ADGRL3: variants seen among roughly 807,000 people sequenced by gnomAD.
ADGRL3 encodes calcium-independent alpha-latrotoxin receptor 3.
Under a neutral mutation model 153.5 loss-of-function variants are expected in ADGRL3, and 62 were observed. The ratio of observed to expected loss-of-function variants is 0.40; its 90% CI spans 0.33 to 0.50. The LOEUF (loss-of-function observed/expected upper bound fraction) is 0.50, where lower values mean the gene tolerates loss of function less well. Ranked by LOEUF, ADGRL3 falls within the 20% of genes least tolerant of loss-of-function variation. The pLI is 0.47. For synonymous variants in ADGRL3, 710 were observed against 672.5 expected, an observed-to-expected ratio of 1.06 and a Z score of -0.86; for missense variants, 1,641 against 1,859.4, an observed-to-expected ratio of 0.88 and a Z score of 2.16.
At chr4:61,370,764 A>T (rs1036799764) in intron 1 of ADGRL3, among the ~76,000 whole-genome samples, 11 of 152,094 alleles carry the variant, frequency 7.2e-5, no homozygotes, top group African/African-American at 2.2e-4. Context: ...TGCAGAGCTG[A>T]GTTCAATTCC....
chr4:61,494,091 T>C (rs1246136909), intron 2 of ADGRL3, among the ~76,000 whole-genome samples: 2 of 152,050 alleles, frequency 1.3e-5, no homozygotes, highest in Non-Finnish European at 2.9e-5. Flanking sequence ...TGTTTTTTTT[T>C]TTTTTTCACT....
intron 4 of ADGRL3, among the ~76,000 whole-genome samples, chr4:61,540,375 T>C (rs1483506332): frequency 6.6e-6 from 1 of 151,736 alleles, no homozygotes; most frequent in Non-Finnish European, 1.5e-5. Flanking sequence ...TAGGAGAAAC[T>C]CCGTCTCTAC....
intron 6 of ADGRL3, among the ~76,000 whole-genome samples, chr4:61,712,494 G>T (rs2151492896): frequency 6.6e-6 from 1 of 152,182 alleles, no homozygotes; most frequent in South Asian, 2.1e-4. Flanking sequence ...AGACCATTCA[G>T]TTCATTTAGC....
At chr4:61,954,815 G>T (rs752497455) in intron 17 of ADGRL3, among the ~76,000 whole-genome samples, 1 of 152,056 alleles carries the variant, frequency 6.6e-6, no homozygotes, top group Non-Finnish European at 1.5e-5. Flanking sequence ...GGCTTTCCTT[G>T]TTACCCTATT....
intron 8 of ADGRL3, among the ~76,000 whole-genome samples, chr4:61,748,171 A>C (rs2096697635): frequency 6.6e-6 from 1 of 152,072 alleles, no homozygotes; most frequent in African/African-American, 2.4e-5. Flanking sequence ...GGACCTCTTC[A>C]AGGAGAACTA....
intron 11 of ADGRL3, among the ~76,000 whole-genome samples, chr4:61,908,104 T>G (rs1218780682): frequency 2.6e-5 from 4 of 151,560 alleles, no homozygotes; most frequent in African/African-American, 9.7e-5. Context: ...AGGAGCCCCA[T>G]CTCTACAAAA....
At chr4:62,021,030 A>G (rs2099235601) in intron 21 of ADGRL3, among the ~76,000 whole-genome samples, 1 of 152,100 alleles carries the variant, frequency 6.6e-6, no homozygotes, top group Non-Finnish European at 1.5e-5. Context: ...ACTCAGAGAC[A>G]GTGTCTCCTT....
intron 8 of ADGRL3, among the ~76,000 whole-genome samples, chr4:61,779,176 A>T (rs1250304699): frequency 2.6e-5 from 4 of 152,114 alleles, no homozygotes; most frequent in African/African-American, 9.7e-5. Flanking sequence ...TTATTTGGTA[A>T]ATTAGAAGTG....
intron 13 of ADGRL3, among the ~76,000 whole-genome samples, chr4:61,921,835 T>C (rs1160865923): frequency 1.3e-5 from 2 of 152,150 alleles, no homozygotes; most frequent in South Asian, 2.1e-4. Context: ...AGAAAAGACT[T>C]TGGGGATAAC....
rs1341664717 is a variant in ADGRL3 at position 62,070,722 on chromosome 4, T to G, written c.4446T>G (p.Gly1482=). 28 of 1,551,340 alleles carry G rather than the reference T, an allele frequency of 1.8e-5. No individual in the cohort carries two copies. The highest frequency in any genetic ancestry group is 2.3e-5 in the Non-Finnish European group (26 of 1,146,864). The change falls in exon 27 of 27, where the codon GGT becomes GGG. Residue 1482 remains glycine, a synonymous_variant. Coordinates refer to ENST00000683033, the MANE Select transcript of ADGRL3 (RefSeq NM_001387552.1). ...CCGAACCCCCACCGGCCAAATGTGG[T>G]GATGCCGAAGATGTTTACTACAAAA... The part of the protein sequence containing the change: ...TQTEPPPAKC[G]DAEDVYYKSM...
intron 5 of ADGRL3, among the ~76,000 whole-genome samples, chr4:61,671,375 C>T (rs532990608): frequency 1.1e-4 from 16 of 152,202 alleles, no homozygotes; most frequent in Admixed American, 6.5e-4. Context: ...TCTTCTATGA[C>T]GGTCATCATA....
intron 21 of ADGRL3, among the ~76,000 whole-genome samples, chr4:62,016,607 A>G (rs1255501232): frequency 6.6e-6 from 1 of 152,164 alleles, no homozygotes; most frequent in Non-Finnish European, 1.5e-5. Flanking sequence ...AACTTGCTTA[A>G]TATCTGGTAG....
intron 11 of ADGRL3, among the ~76,000 whole-genome samples, chr4:61,901,230 T>G (rs1360704209): frequency 6.6e-6 from 1 of 152,212 alleles, no homozygotes; most frequent in African/African-American, 2.4e-5. Context: ...CCAAAGTGTC[T>G]CTGTTTCTGT....
chr4:61,421,258 C>T (rs778281689), intron 2 of ADGRL3, among the ~76,000 whole-genome samples: 2 of 151,942 alleles, frequency 1.3e-5, no homozygotes, highest in Non-Finnish European at 2.9e-5. Context: ...GGTGTGAACC[C>T]GGGAGGCGGA....
At chr4:61,408,187 G>T (rs2097028749) in intron 2 of ADGRL3, among the ~76,000 whole-genome samples, 1 of 151,738 alleles carries the variant, frequency 6.6e-6, no homozygotes, top group African/African-American at 2.4e-5. Context: ...CTTCTGCAAG[G>T]TTTTTTTTAA....
chr4:61,612,041 G>A (rs2091431556), intron 5 of ADGRL3, among the ~76,000 whole-genome samples: 1 of 152,036 alleles, frequency 6.6e-6, no homozygotes, highest in South Asian at 2.1e-4. Flanking sequence ...TGGAAATTTG[G>A]TCATTTGAAG....
At chr4:61,999,813 TAAAA>T (rs1487845227) in intron 21 of ADGRL3, among the ~76,000 whole-genome samples, 1 of 152,112 alleles carries the variant, frequency 6.6e-6, no homozygotes, top group Non-Finnish European at 1.5e-5. Context: ...CTACATTAAA[TAAAA>T]AAGATAACCA....
In ADGRL3 at chr4:61,461,525, A is replaced by G. The variant is rs541527280; in HGVS notation, c.-173-35596A>G. ...AATTATTTTGTATCAATAAATAAAT[A>G]TAGAAATATTCATATAAACAAATAT... On this transcript the variant is annotated intron_variant, in intron 2 of 26. Coordinates refer to ENST00000683033, the MANE Select transcript of ADGRL3 (RefSeq NM_001387552.1). Among the ~76,000 whole-genome samples, 12 of 152,330 alleles carry G rather than the reference A, an allele frequency of 7.9e-5. No homozygotes were observed. The South Asian group carries it at 2.5e-3, about 32-fold the overall frequency.
chr4:61,208,959 T>C (rs1308545781), intron 1 of ADGRL3, among the ~76,000 whole-genome samples: 2 of 152,140 alleles, frequency 1.3e-5, no homozygotes, highest in Non-Finnish European at 2.9e-5. Context: ...AAGCTATACA[T>C]TCCGATTACC....
Sources: allele counts gnomAD v4.1 joint callset (sites outside exome capture counted in the v4.1 genomes callset), GRCh38; gene constraint gnomAD v4.1.1; transcripts MANE v1.5; gene names NCBI Gene and HGNC (gene_info 2026-07-23, HGNC 2026-07-21).